Variants in DNAH10 observed in about 807,000 individuals in gnomAD.
DNAH10 encodes axonemal beta dynein heavy chain 10.
DNAH10 carries 348 observed loss-of-function variants against 506.6 expected under a neutral mutation model. The ratio of observed to expected loss-of-function variants is 0.69; its 90% CI spans 0.63 to 0.75. DNAH10 has a LOEUF of 0.75. DNAH10 is among the 30% of genes least tolerant of loss of function. DNAH10 has a pLI of 0.00. For missense variants in DNAH10, 5,179 were observed against 5,787.1 expected, an observed-to-expected ratio of 0.89 and a Z score of 3.41; for synonymous variants, 2,059 against 2,198.6, an observed-to-expected ratio of 0.94 and a Z score of 1.78.
chr12:123,823,325 T>C (rs1198442671), intron 24 of DNAH10, among the ~76,000 whole-genome samples: 1 of 152,116 alleles, frequency 6.6e-6, no homozygotes, highest in Non-Finnish European at 1.5e-5. Flanking sequence ...CCGGTGGAGA[T>C]GAAGCCGTGA....
chr12:123,930,020 G>C (rs1341664036), intron 72 of DNAH10: 1 of 584,262 alleles, frequency 1.7e-6, no homozygotes, highest in South Asian at 2.2e-5. Context: ...AGCTGTTGCT[G>C]TATACAGAGC....
At chr12:123,929,810 G>A (rs1283080382) in intron 72 of DNAH10, 51 bp downstream of exon 72, 2 of 1,522,800 alleles carry the variant, frequency 1.3e-6, no homozygotes, top group African/African-American at 2.7e-5. Context: ...CTACAGAGCT[G>A]TGGCCTCGTG....
intron 60 of DNAH10, 27 bp from the exon 61 acceptor site, chr12:123,914,302 G>C (rs201770485): frequency 1.9e-6 from 3 of 1,576,576 alleles, no homozygotes; most frequent in Non-Finnish European, 2.6e-6. Flanking sequence ...GTAAACTCAC[G>C]GCAGCCTCCC....
intron 7 of DNAH10, 89 bp downstream of exon 7, chr12:123,783,353 T>C (rs1957734165): frequency 2.0e-6 from 3 of 1,479,388 alleles, no homozygotes; most frequent in Non-Finnish European, 1.8e-6. Flanking sequence ...CTGCATCATC[T>C]GGCATCTTTT....
At position 123,838,508 on chromosome 12, in the gene DNAH10, C is replaced by A; in HGVS notation, c.4955C>A (p.Pro1652Gln). 6.2e-7 allele frequency: 1 copy of A among 1,613,986 alleles called. No homozygotes were observed. The highest frequency in any genetic ancestry group is 8.5e-7 in the Non-Finnish European group (1 of 1,179,890). The change falls in exon 29 of 79, where the codon CCA (proline) becomes CAA (glutamine). Residue 1652 changes from proline to glutamine, a missense_variant. Pro to Gln is a moderately conservative substitution (Grantham distance 76, BLOSUM62 -1). Coordinates refer to ENST00000673944, the MANE Select transcript of DNAH10 (RefSeq NM_001372106.1). ...DPVIKRCCEAPNRLSDLQNVS... is the reference protein window; with the variant it reads ...DPVIKRCCEAQNRLSDLQNVS... The stretch of plus-strand genomic sequence containing the variant: ...GTGATCAAGAGGTGCTGTGAAGCCC[C>A]AAACCGCCTCAGTGACCTACAGAAC...
At chr12:123,818,650 T>G (rs1959186356) in intron 21 of DNAH10, among the ~76,000 whole-genome samples, 1 of 152,302 alleles carries the variant, frequency 6.6e-6, no homozygotes, top group South Asian at 2.1e-4. Context: ...AATTTCTTTT[T>G]CTTTTTATAT....
intron 52 of DNAH10, among the ~76,000 whole-genome samples, chr12:123,889,360 C>T (rs925516052): frequency 1.3e-5 from 2 of 152,164 alleles, no homozygotes; most frequent in African/African-American, 2.4e-5. Flanking sequence ...TTTTAAGTTG[C>T]GTCTGTTTCA....
At position 123,863,230 on chromosome 12, in the gene DNAH10, A is replaced by G. The variant is rs115916573; in HGVS notation, c.6909-1365A>G. Among the ~76,000 whole-genome samples the G allele has an allele frequency of 6.4e-3, 976 of 152,324 alleles. 10 individuals carry two copies. Among genetic ancestry groups the G allele is most frequent in the African/African-American group, 0.022 (922 of 41,568 alleles). On this transcript the variant is annotated intron_variant, in intron 39 of 78. Coordinates refer to ENST00000673944, the MANE Select transcript of DNAH10 (RefSeq NM_001372106.1). Reference sequence around the variant, plus strand: ...GGCTTTGCTGCATGAGATGTCACCCATTATAGCCACAAAATGGAACCATCC... The same window carrying G: ...GGCTTTGCTGCATGAGATGTCACCCGTTATAGCCACAAAATGGAACCATCC...
rs1411487437 is a variant in DNAH10, at chr12:123,784,055, AT to A, written c.1109del (p.Ile370ThrfsTer43). 2 of 1,614,226 alleles carry A rather than the reference AT, an allele frequency of 1.2e-6. No individual in the cohort carries two copies. Among genetic ancestry groups the A allele is most frequent in the East Asian group, 4.5e-5 (2 of 44,886 alleles). On this transcript the variant is annotated frameshift_variant, in exon 8 of 79. Coordinates refer to ENST00000673944, the MANE Select transcript of DNAH10 (RefSeq NM_001372106.1). LOFTEE classifies it high-confidence loss of function. ...AATAGTCAGAAAAGTCTTGGATGTG[AT>A]CAAGGAATCCGACTCCATGCTTGTG... Reference protein sequence around the residue: ...LPIVRKVLDVIKESDSMLVAN... With the variant: ...LPIVRKVLDVXKESDSMLVAN...
intron 1 of DNAH10, 70 bp from the exon 2 acceptor site, chr12:123,767,536 A>G: frequency 6.8e-7 from 1 of 1,463,078 alleles, no homozygotes. Flanking sequence ...ACAGAAAGCA[A>G]AGATATCAGG....
Position 123,907,133 on chromosome 12 carries a change from T to TG in DNAH10, c.9816-2124dup, listed in dbSNP as rs1474428672. 6.6e-6 allele frequency among the ~76,000 whole-genome samples: 1 copy of TG among 152,144 alleles called. No individual in the cohort carries two copies. The highest frequency in any genetic ancestry group is 1.9e-4 in the East Asian group (1 of 5,190). ...TTTTCCTATAGGAATCCCATGTGCATGGGGAAATTATGTAGGATTAGGTTA... is the reference window on the plus strand; with the variant it reads ...TTTTCCTATAGGAATCCCATGTGCATGGGGGAAATTATGTAGGATTAGGTTA... On this transcript the variant is annotated intron_variant, in intron 57 of 78. Transcript: ENST00000673944. This position sits in a 1 kb window ranked among gnomAD's most constrained non-coding sequence, Gnocchi z 4.4.
At chr12:123,819,338 A>G (rs909021875) in intron 23 of DNAH10, 88 bp downstream of exon 23, 34 of 919,412 alleles carry the variant, frequency 3.7e-5, no homozygotes, top group Non-Finnish European at 5.8e-5. Context: ...GCAAGTGATG[A>G]TGGTGCCGTG....
chr12:123,762,910 G>A lies in DNAH10; in HGVS notation c.214+360G>A, dbSNP rs920008588. Among the ~76,000 whole-genome samples, 1 of 152,156 alleles carries A rather than the reference G, an allele frequency of 6.6e-6. No homozygotes were observed. Among genetic ancestry groups the A allele is most frequent in the Non-Finnish European group, 1.5e-5 (1 of 68,030 alleles). On this transcript the variant is annotated intron_variant, in intron 1 of 78. Transcript: ENST00000673944. The surrounding 1 kb of genome is among the most constrained non-coding windows in gnomAD (Gnocchi z 5.0). ...ACAGATGAGCAAACTGGCACGGAGG[G>A]GGTTAAGTAACCTGCCCAAGGCCCA...
chr12:123,828,273 G>A (rs1049863377), intron 25 of DNAH10, among the ~76,000 whole-genome samples: 1 of 151,988 alleles, frequency 6.6e-6, no homozygotes, highest in African/African-American at 2.4e-5. Context: ...GAGGGACTGA[G>A]GACACAGCGT....
At chr12:123,802,434 T>C (rs1195031980) in intron 16 of DNAH10, among the ~76,000 whole-genome samples, 6 of 152,072 alleles carry the variant, frequency 3.9e-5, no homozygotes. Flanking sequence ...GCCTCCCGAG[T>C]AGCTTGGATT....
rs1594401114 is a variant in DNAH10, at chr12:123,926,297, T to C, written c.11922-340T>C. The C allele has an allele frequency of 4.2e-6, 1 of 240,154 alleles. No homozygotes were observed. The highest frequency in any genetic ancestry group is 7.8e-6 in the Non-Finnish European group (1 of 127,762). 14.9% of individuals were successfully genotyped at this position (240,154 alleles called of 1,614,324 possible). ...ACACACAAAACACAAAACTCAAAAC[T>C]CAAGATGTGGACCATTCAGGACACG... On this transcript the variant is annotated intron_variant, in intron 68 of 78. Coordinates refer to ENST00000673944, the MANE Select transcript of DNAH10 (RefSeq NM_001372106.1). The surrounding 1 kb of genome is among the most constrained non-coding windows in gnomAD (Gnocchi z 4.1).
At chr12:123,782,355 CCTTCT>C (rs1490669289) in intron 6 of DNAH10, among the ~76,000 whole-genome samples, 59 of 125,846 alleles carry the variant, frequency 4.7e-4, no homozygotes, top group African/African-American at 1.5e-3. Context: ...CCTCCCCTCC[CCTTCT>C]CTCCCCTCCC....
rs4930729 is a variant in DNAH10 at position 123,841,430 on chromosome 12, T to G, written c.5245T>G (p.Leu1749Val). Reference sequence around the variant, plus strand: ...AGAAGTCATGGAGTTTCGGAAGATCTTGCGGGCTGAAGGGCGCGTGGAGGA... The same window carrying G: ...AGAAGTCATGGAGTTTCGGAAGATCGTGCGGGCTGAAGGGCGCGTGGAGGA... ...EGEVMEFRKILRAEGRVEDWM... is the reference protein window; with the variant it reads ...EGEVMEFRKIVRAEGRVEDWM... Residue 1749 changes from leucine to valine, a missense_variant, in exon 30 of 79, where the codon TTG becomes GTG. Transcript: ENST00000673944. 0.87 allele frequency: 1,406,621 copies of G among 1,613,928 alleles called. 617,078 individuals are homozygous for G. Among genetic ancestry groups the G allele is most frequent in the African/African-American group, 0.96 (71,778 of 75,028 alleles).
chr12:123,813,356 CG>C lies in DNAH10; in HGVS notation c.3339del (p.Tyr1114IlefsTer12). Reference sequence around the variant, plus strand: ...TATGAAGTATCTACAAAAATGGAAGCGGTATCGACCTCTCTGGAAATTGGAC... The same window carrying C: ...TATGAAGTATCTACAAAAATGGAAGCGTATCGACCTCTCTGGAAATTGGAC... ...NLMKYLQKWK[R>X]YRPLWKLDKA... On this transcript the variant is annotated frameshift_variant, in exon 20 of 79. Transcript: ENST00000673944. LOFTEE classifies it high-confidence loss of function. 1 of 1,614,184 alleles carries C rather than the reference CG, an allele frequency of 6.2e-7. No homozygotes were observed. Among genetic ancestry groups the C allele is most frequent in the Non-Finnish European group, 8.5e-7 (1 of 1,180,044 alleles).
Sources: gnomAD v4.1 joint callset for allele counts (sites outside exome capture counted in the v4.1 genomes callset) on GRCh38, gnomAD v4.1.1 for gene constraint, Gnocchi (gnomAD v3.1) non-coding constraint, MANE v1.5 for transcripts, NCBI Gene and HGNC (gene_info 2026-07-23, HGNC 2026-07-21) for gene names.